Variants in UMODL1 observed in about 807,000 individuals in gnomAD.
The protein encoded by UMODL1 is uromodulin-like 1.
In UMODL1, 128 loss-of-function variants were observed where a neutral mutation model predicts 136.3. The ratio of observed to expected loss-of-function variants is 0.94; its 90% CI spans 0.81 to 1.09. The LOEUF (loss-of-function observed/expected upper bound fraction) is 1.09. UMODL1 is among the 50% of genes least tolerant of loss of function. The pLI is 0.00. For synonymous variants in UMODL1, 721 were observed against 720.0 expected, an observed-to-expected ratio of 1.00 and a Z score of -0.02; for missense variants, 1,766 against 1,725.6, an observed-to-expected ratio of 1.02 and a Z score of -0.41.
chr21:42,113,501 G>C lies in UMODL1; in HGVS notation c.2105-72G>C, dbSNP rs2066863171. On this transcript the variant is annotated intron_variant, in intron 12 of 22. Coordinates refer to ENST00000408910, the MANE Select transcript of UMODL1 (RefSeq NM_001004416.3). The stretch of plus-strand genomic sequence containing the variant: ...CCCATGGTGATGAATTTGATTTTTG[G>C]CATTGGGCGAGGCTTCTTTTCTCCT... 3 of 1,535,984 alleles carry C rather than the reference G, an allele frequency of 2.0e-6. No individual in the cohort carries two copies. The East Asian group carries it at 6.8e-5, about 35-fold the overall frequency.
intron 4 of UMODL1, among the ~76,000 whole-genome samples, chr21:42,086,141 G>A (rs146180468): frequency 6.6e-6 from 1 of 152,178 alleles, no homozygotes; most frequent in African/African-American, 2.4e-5. Context: ...TGTCCCCAAG[G>A]CCGCCCTCCC....
At chr21:42,070,035 T>C (rs2066216110), upstream of UMODL1, among the ~76,000 whole-genome samples, 1 of 152,210 alleles carries the variant, frequency 6.6e-6, no homozygotes, top group South Asian at 2.1e-4. Context: ...AGCCTCCTTT[T>C]TGTATTCTTG....
intron 2 of UMODL1, among the ~76,000 whole-genome samples, chr21:42,083,559 A>G (rs1355191788): frequency 2.0e-5 from 3 of 152,178 alleles, no homozygotes; most frequent in Admixed American, 1.3e-4. Flanking sequence ...GCCCCTCTCC[A>G]GAGTGTCCTT....
At chr21:42,119,607 C>G (rs2066943953) in intron 15 of UMODL1, among the ~76,000 whole-genome samples, 1 of 152,146 alleles carries the variant, frequency 6.6e-6, no homozygotes, top group African/African-American at 2.4e-5. Context: ...TGCTTGTTTC[C>G]ATGGGCTGAG....
chr21:42,140,563 G>A (rs758321584), intron 22 of UMODL1, among the ~76,000 whole-genome samples: 1 of 152,150 alleles, frequency 6.6e-6, no homozygotes, highest in Non-Finnish European at 1.5e-5. Flanking sequence ...CATGACTGAT[G>A]GACCCTTAGA....
chr21:42,105,868 C>T (rs1257589182), intron 9 of UMODL1, among the ~76,000 whole-genome samples: 1 of 152,210 alleles, frequency 6.6e-6, no homozygotes, highest in Non-Finnish European at 1.5e-5. Context: ...CCACAGGAGA[C>T]CCGTGTCTTG....
rs2066376340 is a variant in UMODL1 at position 42,082,703 on chromosome 21, C to T, written c.320-1381C>T. On this transcript the variant is annotated intron_variant, in intron 2 of 22. Coordinates refer to ENST00000408910, the MANE Select transcript of UMODL1 (RefSeq NM_001004416.3). ...TCCGTCCTGGGAGATGGGGTCATCTCCTGCCCTGGGCCCACCTCTGCCGTC... is the reference window on the plus strand; with the variant it reads ...TCCGTCCTGGGAGATGGGGTCATCTTCTGCCCTGGGCCCACCTCTGCCGTC... Among the ~76,000 whole-genome samples the T allele has an allele frequency of 2.6e-5, 4 of 152,184 alleles. No individual in the cohort carries two copies. In the South Asian group the frequency reaches 8.3e-4, roughly 32 times the overall value.
Position 42,119,206 on chromosome 21 carries a change from G to A in UMODL1, c.2571G>A (p.Val857=). 1.2e-6 allele frequency: 2 copies of A among 1,614,208 alleles called. No individual in the cohort carries two copies. The highest frequency in any genetic ancestry group is 1.7e-6 in the Non-Finnish European group (2 of 1,180,026). Reference sequence around the variant, plus strand: ...GCGTCACCAACGGCAGCATCGTGGTGGAGTTTCACTTGCTGATAATCGCAG... The same window carrying A: ...GCGTCACCAACGGCAGCATCGTGGTAGAGTTTCACTTGCTGATAATCGCAG... ...VVSVTNGSIV[V]EFHLLIIADV... Residue 857 remains valine, a synonymous_variant, in exon 15 of 23, where the codon GTG becomes GTA. Coordinates refer to ENST00000408910, the MANE Select transcript of UMODL1 (RefSeq NM_001004416.3).
chr21:42,129,639 C>T (rs1188116632), intron 20 of UMODL1, 74 bp from the exon 21 acceptor site: 2 of 1,364,054 alleles, frequency 1.5e-6, no homozygotes, highest in Non-Finnish European at 2.0e-6. Context: ...CATTAGCATC[C>T]TTGATAGTAG....
intron 21 of UMODL1, 147 bp from the exon 22 acceptor site, chr21:42,137,292 G>T: frequency 2.0e-6 from 2 of 1,000,074 alleles, no homozygotes; most frequent in Non-Finnish European, 3.0e-6. Flanking sequence ...CCTCAGCTTT[G>T]GTAACCCACA....
intron 19 of UMODL1, 26 bp from the exon 20 acceptor site, chr21:42,127,646 A>G (rs770114465): frequency 1.4e-5 from 23 of 1,604,316 alleles, no homozygotes; most frequent in Non-Finnish European, 1.8e-5. Flanking sequence ...CTGACAAGCA[A>G]GGAGTCCCAT....
intron 9 of UMODL1, among the ~76,000 whole-genome samples, chr21:42,105,526 G>A (rs527676730): frequency 2.0e-5 from 3 of 152,348 alleles, no homozygotes; most frequent in African/African-American, 7.2e-5. Context: ...GAATAAGGGT[G>A]TTTGCAGACA....
At position 42,076,101 on chromosome 21, in the gene UMODL1, A is replaced by G. The variant is rs1363298902; in HGVS notation, c.173A>G (p.Tyr58Cys). 6 of 1,613,840 alleles carry G rather than the reference A, an allele frequency of 3.7e-6. No individual in the cohort carries two copies. The highest frequency in any genetic ancestry group is 2.7e-5 in the African/African-American group (2 of 74,930). ...GCCGTGCAGACGTCCTACACGTCCT[A>G]TGTGTCCTGCGGCGGCTGGATCCCC... ...VEAVQTSYTS[Y>C]VSCGGWIPWR... The change falls in exon 2 of 23, where the codon TAT becomes TGT. Residue 58 changes from tyrosine (Y) to cysteine (C), a missense_variant. Coordinates refer to ENST00000408910, the MANE Select transcript of UMODL1 (RefSeq NM_001004416.3).
chr21:42,121,619 C>T (rs2066974336), intron 16 of UMODL1, among the ~76,000 whole-genome samples: 2 of 152,250 alleles, frequency 1.3e-5, no homozygotes, highest in Admixed American at 6.5e-5. Context: ...ACTCTTTCCA[C>T]CCAGCTCTTT....
At chr21:42,065,925 G>A (rs185416316) in intron 1 of UMODL1, among the ~76,000 whole-genome samples, 5 of 152,172 alleles carry the variant, frequency 3.3e-5, no homozygotes, top group Non-Finnish European at 7.4e-5. Flanking sequence ...GCTGCCCTCC[G>A]CAGCCAGGTC....
intron 17 of UMODL1, among the ~76,000 whole-genome samples, chr21:42,124,592 G>T (rs894589823): frequency 6.6e-6 from 1 of 152,106 alleles, no homozygotes; most frequent in African/African-American, 2.4e-5. Flanking sequence ...TATGAGGCCT[G>T]GTGGGAAAGT....
intron 21 of UMODL1, among the ~76,000 whole-genome samples, chr21:42,133,882 ATCTGTTT>A (rs2067165754): frequency 3.0e-5 from 3 of 100,654 alleles, no homozygotes; most frequent in African/African-American, 9.1e-5. Flanking sequence ...ATTTCAATAT[ATCTGTTT>A]TTTGTTTTGT....
rs768755634 is a variant in UMODL1 at position 42,098,352 on chromosome 21, T to G, written c.932-574T>G. On this transcript the variant is annotated intron_variant, in intron 6 of 22. Transcript: ENST00000408910. ...AGACCTCTTGCTTCTCCATTTCATC[T>G]CAAATATCCCCATCACCTAATGCAA... is the stretch of plus-strand genomic sequence containing the variant. 3.9e-5 allele frequency among the ~76,000 whole-genome samples: 6 copies of G among 152,142 alleles called. No individual in the cohort carries two copies. In the South Asian group the frequency reaches 1.2e-3, roughly 32 times the overall value.
rs139260236 is a variant in UMODL1, at chr21:42,121,085, A to G, written c.2690-2A>G. Reference sequence around the variant, plus strand: ...CTGTTTTGTCTTCTAAATGTTGTGCAGATTACGATGAGTGTGAAAGGAAGG... The same window carrying G: ...CTGTTTTGTCTTCTAAATGTTGTGCGGATTACGATGAGTGTGAAAGGAAGG... On this transcript the variant is annotated splice_acceptor_variant, in intron 15 of 22. Coordinates refer to ENST00000408910, the MANE Select transcript of UMODL1 (RefSeq NM_001004416.3). LOFTEE classifies it high-confidence loss of function. 1.1e-5 allele frequency: 18 copies of G among 1,611,654 alleles called. No homozygotes were observed. In the African/African-American group the frequency reaches 2.0e-4, roughly 18 times the overall value.
Sources: gnomAD v4.1 joint callset for allele counts (sites outside exome capture counted in the v4.1 genomes callset) on GRCh38, gnomAD v4.1.1 for gene constraint, MANE v1.5 for transcripts, NCBI Gene and HGNC (gene_info 2026-07-23, HGNC 2026-07-21) for gene names.